Variants in HMG20A observed in about 807,000 individuals in gnomAD.
HMG20A encodes the protein high mobility group 20A.
HMG20A carries 17 observed loss-of-function variants against 43.9 expected under a neutral mutation model. The observed-to-expected ratio is 0.39, with a 90% CI of 0.27 to 0.58. The LOEUF (loss-of-function observed/expected upper bound fraction) is 0.58, where lower values mean the gene tolerates loss of function less well. HMG20A is among the 20% of genes least tolerant of loss of function. The probability of loss-of-function intolerance (pLI) is 0.59; values close to 1 mark genes in which losing one functional copy is unlikely to be tolerated. For synonymous variants in HMG20A, 132 were observed against 147.5 expected (o/e 0.89, Z 0.76); for missense variants, 341 against 438.2 (o/e 0.78, Z 1.98).
At chr15:77,482,355 G>A (rs994225189) in intron 9 of HMG20A, 1 of 152,158 alleles carries the variant, frequency 6.6e-6, no homozygotes, top group African/African-American at 2.4e-5. Context: ...TTGTAGCTGA[G>A]TAGTACCTAG....
chr15:77,517,505 A>T, the HMG20A span, among the ~76,000 whole-genome samples: 3 of 151,372 alleles, frequency 2.0e-5, no homozygotes, highest in African/African-American at 7.3e-5. Flanking sequence ...TTTATTTAAA[A>T]GCATAAATGC....
intron 1 of HMG20A, among the ~76,000 whole-genome samples, chr15:77,435,515 A>G (rs997346555): frequency 6.6e-6 from 1 of 152,056 alleles, no homozygotes; most frequent in Non-Finnish European, 1.5e-5. Flanking sequence ...GCTGCTCTCA[A>G]ACACCTGACC....
chr15:77,441,188 T>A (rs1476381552), intron 1 of HMG20A, among the ~76,000 whole-genome samples: 1 of 152,134 alleles, frequency 6.6e-6, no homozygotes, highest in Non-Finnish European at 1.5e-5. Context: ...TTTGACTAGC[T>A]TGCCCAAGTT....
chr15:77,456,027 A>G (rs2072650939), intron 1 of HMG20A, among the ~76,000 whole-genome samples: 1 of 152,072 alleles, frequency 6.6e-6, no homozygotes, highest in Non-Finnish European at 1.5e-5. Flanking sequence ...GGACCTGACT[A>G]CTCAGTAACA....
Position 77,479,329 on chromosome 15 carries a change from C to G in HMG20A, c.*6+8C>G, listed in dbSNP as rs375395133. On this transcript the variant is annotated splice_region_variant and intron_variant, in intron 9 of 9. Transcript: ENST00000336216. ...CTCGATCGTTAGGGAATGGTGAGTG[C>G]TCACTGATAAATATTTATATGCCAG... 2.5e-6 allele frequency: 4 copies of G among 1,611,566 alleles called. No individual in the cohort carries two copies. Among genetic ancestry groups the G allele is most frequent in the Non-Finnish European group, 3.4e-6 (4 of 1,179,000 alleles).
At chr15:77,465,488 C>T (rs1278819659) in intron 3 of HMG20A, among the ~76,000 whole-genome samples, 3 of 151,514 alleles carry the variant, frequency 2.0e-5, no homozygotes, top group African/African-American at 7.3e-5. Context: ...CTCTGCCTCC[C>T]AGGTTCAAGC....
chr15:77,452,169 A>G (rs900778092), intron 1 of HMG20A, among the ~76,000 whole-genome samples: 9 of 152,190 alleles, frequency 5.9e-5, no homozygotes, highest in Non-Finnish European at 1.2e-4. Context: ...GCTTTAGGCA[A>G]AGTCTGGCCA....
At chr15:77,509,538 G>A in the HMG20A span, among the ~76,000 whole-genome samples, 1 of 148,850 alleles carries the variant, frequency 6.7e-6, no homozygotes, top group Non-Finnish European at 1.5e-5. Context: ...ATACAGGCAT[G>A]AGCCTCTGTG....
the HMG20A span, among the ~76,000 whole-genome samples, chr15:77,491,601 C>G: frequency 6.6e-6 from 1 of 152,070 alleles, no homozygotes; most frequent in Admixed American, 6.6e-5. Context: ...AAAATAGATA[C>G]AAAAGCTAAC....
the HMG20A span, among the ~76,000 whole-genome samples, chr15:77,494,308 T>G: frequency 6.6e-6 from 1 of 152,088 alleles, no homozygotes; most frequent in African/African-American, 2.4e-5. Flanking sequence ...TTTTCCATGT[T>G]TTATAGAGAT....
chr15:77,479,136 TGAA>T, intron 8 of HMG20A, 40 bp from the exon 9 acceptor site: 1 of 1,598,868 alleles, frequency 6.3e-7, no homozygotes, highest in Non-Finnish European at 8.6e-7. Flanking sequence ...ATGGTACAAC[TGAA>T]TAGGGAGGAT....
chr15:77,478,029 TAACA>T (rs1229118109), intron 7 of HMG20A: 1 of 537,568 alleles, frequency 1.9e-6, no homozygotes, highest in Non-Finnish European at 3.3e-6. Context: ...AAGCAAAAAC[TAACA>T]AACAAAAAAA....
At chr15:77,495,404 T>C in the HMG20A span, among the ~76,000 whole-genome samples, 10 of 152,094 alleles carry the variant, frequency 6.6e-5, no homozygotes, top group African/African-American at 1.9e-4. Flanking sequence ...AAAAATTTGC[T>C]GGGTGTGGTG....
intron 1 of HMG20A, among the ~76,000 whole-genome samples, chr15:77,448,524 C>T (rs187944332): frequency 1.3e-5 from 2 of 152,268 alleles, no homozygotes. Context: ...ACCCCATTTC[C>T]TTGAACTGTT....
the HMG20A span, among the ~76,000 whole-genome samples, chr15:77,512,759 TACTC>T: frequency 2.0e-5 from 3 of 151,938 alleles, no homozygotes; most frequent in African/African-American, 7.2e-5. Context: ...ATTTCAAACT[TACTC>T]TATATAAAAT....
chr15:77,494,680 T>C, the HMG20A span, among the ~76,000 whole-genome samples: 1 of 152,186 alleles, frequency 6.6e-6, no homozygotes, highest in Admixed American at 6.5e-5. Context: ...GCAGATGTGA[T>C]TGGGATATTT....
intron 1 of HMG20A, among the ~76,000 whole-genome samples, chr15:77,423,644 C>A (rs1013686346): frequency 1.3e-5 from 2 of 152,176 alleles, no homozygotes; most frequent in African/African-American, 4.8e-5. Context: ...AACCGTAGGT[C>A]ACAATTCTGG....
chr15:77,458,017 G>A (rs1395898308), intron 1 of HMG20A, among the ~76,000 whole-genome samples: 1 of 152,132 alleles, frequency 6.6e-6, no homozygotes, highest in African/African-American at 2.4e-5. Context: ...TTTTGTCTTA[G>A]TCTAAGATGG....
At chr15:77,491,395 A>G in the HMG20A span, among the ~76,000 whole-genome samples, 1 of 152,244 alleles carries the variant, frequency 6.6e-6, no homozygotes, top group Non-Finnish European at 1.5e-5. Context: ...TTTGAAGTAG[A>G]CTTATGTTAT....
Sources: gnomAD v4.1 joint callset for allele counts (sites outside exome capture counted in the v4.1 genomes callset) on GRCh38, gnomAD v4.1.1 for gene constraint, MANE v1.5 for transcripts, NCBI Gene and HGNC (gene_info 2026-07-23, HGNC 2026-07-21) for gene names.